The following DDX46 variants were observed in gnomAD, a reference collection of about 807,000 sequenced individuals.
DDX46 encodes DEAD-box helicase 46.
A neutral mutation model predicts 134.9 loss-of-function variants in DDX46; 30 were observed. That is an observed-to-expected ratio of 0.22 (90% CI 0.17 to 0.30). DDX46 has a LOEUF of 0.30. Ranked by LOEUF, DDX46 falls within the 10% of genes least tolerant of loss-of-function variation. The pLI is 1.00. For missense variants in DDX46, 622 were observed against 1,248.7 expected (o/e 0.50, Z 7.56); for synonymous variants, 415 against 404.1 (o/e 1.03, Z -0.32).
At chr5:134,805,538 T>A (rs942325946) in intron 15 of DDX46, among the ~76,000 whole-genome samples, 35 of 151,738 alleles carry the variant, frequency 2.3e-4, no homozygotes, top group East Asian at 1.7e-3. Context: ...TTTTCTTTTT[T>A]TTTTTTTGAG....
chr5:134,765,782 A>C (rs1348859556), intron 2 of DDX46, among the ~76,000 whole-genome samples: 3 of 152,156 alleles, frequency 2.0e-5, no homozygotes, highest in Non-Finnish European at 4.4e-5. Context: ...CTTTTCAGAC[A>C]TTGGAGTACA....
chr5:134,798,282 C>T (rs957738293), intron 15 of DDX46, among the ~76,000 whole-genome samples: 1 of 151,350 alleles, frequency 6.6e-6, no homozygotes, highest in Non-Finnish European at 1.5e-5. Context: ...ACCTCTGCTT[C>T]CCGCCTCCTG....
At chr5:134,805,331 C>G (rs1754951795) in intron 15 of DDX46, among the ~76,000 whole-genome samples, 1 of 151,824 alleles carries the variant, frequency 6.6e-6, no homozygotes, top group Non-Finnish European at 1.5e-5. Context: ...CCACGCCTGG[C>G]TAAATTTTGT....
In DDX46 at chr5:134,770,890, A is replaced by AT. The variant is rs1561852736; in HGVS notation, c.351-6dup. The AT allele has an allele frequency of 5.1e-6, 8 of 1,563,996 alleles. No individual in the cohort carries two copies. Among genetic ancestry groups the AT allele is most frequent in the Admixed American group, 4.4e-5 (2 of 45,828 alleles). The stretch of plus-strand genomic sequence containing the variant: ...GAATGACATTTCTCTTGTCTCTTTT[A>AT]TTTTTTTGGTAGATCTAGGTCCAAA... On this transcript the variant is annotated splice_polypyrimidine_tract_variant and intron_variant, in intron 3 of 22. Coordinates refer to ENST00000452510, the MANE Select transcript of DDX46 (RefSeq NM_001300860.2).
rs115633654 is a variant in DDX46 at position 134,776,437 on chromosome 5, C to G, written c.614-1137C>G. Among the ~76,000 whole-genome samples, 1,371 of 151,804 alleles carry G rather than the reference C, an allele frequency of 9.0e-3. 14 individuals are homozygous for G. Among genetic ancestry groups the G allele is most frequent in the African/African-American group, 0.031 (1,271 of 41,450 alleles). ...GAGAAAGCAAAAATATACTTACTGT[C>G]CATTAAGTTGAAGTAGATCATCTTA... On this transcript the variant is annotated intron_variant, in intron 5 of 22. Transcript: ENST00000452510.
intron 12 of DDX46, chr5:134,789,144 A>G (rs1754430353): frequency 6.6e-6 from 1 of 152,208 alleles, no homozygotes; most frequent in Non-Finnish European, 1.5e-5. Flanking sequence ...CTCAAATGTT[A>G]TGCTTTGTTA....
chr5:134,771,636 A>G (rs188752918), intron 4 of DDX46, among the ~76,000 whole-genome samples: 5,326 of 151,396 alleles, frequency 0.035, 125 homozygotes, highest in Non-Finnish European at 0.056. Context: ...CGGGAGGCAG[A>G]GCTTGCAGTG....
Position 134,764,099 on chromosome 5 carries a change from CATTA to C in DDX46, c.206+15_206+18del, listed in dbSNP as rs1252431042. The C allele has an allele frequency of 6.3e-7, 1 of 1,587,522 alleles. No individual in the cohort carries two copies. Among genetic ancestry groups the C allele is most frequent in the South Asian group, 1.1e-5 (1 of 87,708 alleles). On this transcript the variant is annotated splice_region_variant and intron_variant, in intron 2 of 22. Coordinates refer to ENST00000452510, the MANE Select transcript of DDX46 (RefSeq NM_001300860.2). ...GGGACAGGAAGCGTCTGAGGTAAGACATTAATTAATTTCCAAAAGACGAGTGATA... is the reference window on the plus strand; with the variant it reads ...GGGACAGGAAGCGTCTGAGGTAAGACATTAATTTCCAAAAGACGAGTGATA...
chr5:134,782,122 G>A, intron 8 of DDX46, 36 bp downstream of exon 8: 4 of 1,537,498 alleles, frequency 2.6e-6, no homozygotes, highest in Non-Finnish European at 2.6e-6. Context: ...GGTTATAAGG[G>A]AACAGAAGAG....
chr5:134,808,227 G>A (rs1755044512), intron 16 of DDX46, among the ~76,000 whole-genome samples: 1 of 152,108 alleles, frequency 6.6e-6, no homozygotes, highest in African/African-American at 2.4e-5. Context: ...GATGTTCCTT[G>A]ATTTATGATG....
chr5:134,800,320 G>T (rs1397350575), intron 15 of DDX46, among the ~76,000 whole-genome samples: 1 of 152,088 alleles, frequency 6.6e-6, no homozygotes, highest in Non-Finnish European at 1.5e-5. Flanking sequence ...ATAGATAAAT[G>T]GAATCATATG....
At chr5:134,817,987 T>C (rs1370707408) in intron 20 of DDX46, among the ~76,000 whole-genome samples, 10 of 151,456 alleles carry the variant, frequency 6.6e-5, no homozygotes, top group Non-Finnish European at 1.5e-4. Flanking sequence ...TTTGCTCTTA[T>C]CGCCTAGGCT....
chr5:134,765,215 T>C (rs1269240085), intron 2 of DDX46, among the ~76,000 whole-genome samples: 1 of 151,480 alleles, frequency 6.6e-6, no homozygotes, highest in Non-Finnish European at 1.5e-5. Flanking sequence ...ATTACAGGCA[T>C]GCTCCACAAA....
intron 20 of DDX46, among the ~76,000 whole-genome samples, chr5:134,817,998 G>A (rs1401042612): frequency 6.7e-6 from 1 of 150,054 alleles, no homozygotes; most frequent in African/African-American, 2.4e-5. Context: ...CGCCTAGGCT[G>A]GGGTACAATG....
Position 134,818,943 on chromosome 5 carries a change from C to G in DDX46, c.2916C>G (p.Thr972=), listed in dbSNP as rs758130941. ...AAGCCGCAATTACAATCAGAGGAAC[C>G]TACTTCCCTCCTGGCAAAGAACCCA... ...YSEAAITIRG[T]YFPPGKEPKE... is the part of the protein sequence containing the mutation. The change falls in exon 21 of 23, where the codon ACC becomes ACG. Residue 972 remains threonine, a synonymous_variant. Coordinates refer to ENST00000452510, the MANE Select transcript of DDX46 (RefSeq NM_001300860.2). 6.2e-7 allele frequency: 1 copy of G among 1,613,850 alleles called. No individual in the cohort carries two copies. Among genetic ancestry groups the G allele is most frequent in the East Asian group, 2.2e-5 (1 of 44,858 alleles).
At chr5:134,799,891 C>CA (rs936056124) in intron 15 of DDX46, among the ~76,000 whole-genome samples, 11 of 151,726 alleles carry the variant, frequency 7.2e-5, no homozygotes, top group East Asian at 1.9e-4. Flanking sequence ...AAAAACAAAC[C>CA]AAAAAAAATC....
intron 12 of DDX46, among the ~76,000 whole-genome samples, chr5:134,788,976 C>T (rs1360280080): frequency 2.0e-5 from 3 of 151,890 alleles, no homozygotes; most frequent in Admixed American, 6.6e-5. Context: ...CAGTTTTGGC[C>T]TGGCTTTGCT....
intron 3 of DDX46, among the ~76,000 whole-genome samples, chr5:134,769,327 G>A (rs1424282491): frequency 3.0e-5 from 3 of 100,482 alleles, no homozygotes; most frequent in African/African-American, 4.1e-5. Context: ...TATTTTCAAG[G>A]TTTTTTTTTT....
At chr5:134,783,623 C>T (rs1231202927) in intron 9 of DDX46, among the ~76,000 whole-genome samples, 1 of 127,826 alleles carries the variant, frequency 7.8e-6, no homozygotes, top group East Asian at 2.5e-4. Flanking sequence ...GATCTTGGCT[C>T]ACTGCAACCT....
Sources: allele counts gnomAD v4.1 joint callset (sites outside exome capture counted in the v4.1 genomes callset), GRCh38; gene constraint gnomAD v4.1.1; transcripts MANE v1.5; gene names NCBI Gene and HGNC (gene_info 2026-07-23, HGNC 2026-07-21).